ZNF536: variants seen among roughly 807,000 people sequenced by gnomAD.
The protein encoded by ZNF536 is zinc finger protein 536.
ZNF536 carries 13 observed loss-of-function variants against 84.5 expected under a neutral mutation model. That is an observed-to-expected ratio of 0.15 (90% CI 0.10 to 0.24). The LOEUF (loss-of-function observed/expected upper bound fraction) is 0.24, where lower values mean the gene tolerates loss of function less well. Among genes scored for constraint, ZNF536 ranks in the 10% least tolerant of loss-of-function variants. The pLI is 1.00. For synonymous variants in ZNF536, 811 were observed against 742.5 expected (o/e 1.09, Z -1.50); for missense variants, 1,536 against 1,747.5 (o/e 0.88, Z 2.16).
At chr19:30,426,787 C>T (rs909528814) in intron 1 of ZNF536, among the ~76,000 whole-genome samples, 10 of 152,050 alleles carry the variant, frequency 6.6e-5, no homozygotes, top group South Asian at 2.1e-4. Flanking sequence ...GCGTGGGGCC[C>T]GGCAGGGGGA....
At chr19:30,303,642 A>C (rs1341488857) in intron 2 of ZNF536, among the ~76,000 whole-genome samples, 2 of 151,982 alleles carry the variant, frequency 1.3e-5, no homozygotes, top group Non-Finnish European at 2.9e-5. Context: ...AGCTGGGATT[A>C]CAGGTGCCGG....
At chr19:30,282,932 C>T (rs532454349) in intron 1 of ZNF536, among the ~76,000 whole-genome samples, 4 of 152,182 alleles carry the variant, frequency 2.6e-5, no homozygotes, top group Admixed American at 6.5e-5. Context: ...TGTTTACAGA[C>T]AGCAGCTTCC....
rs765223716 is a variant in ZNF536 at position 30,444,633 on chromosome 19, G to C, written c.1071G>C (p.Ala357=). 6 of 1,613,832 alleles carry C rather than the reference G, an allele frequency of 3.7e-6. No individual in the cohort carries two copies. The highest frequency in any genetic ancestry group is 1.3e-5 in the African/African-American group (1 of 74,956). Residue 357 remains alanine, a synonymous_variant, in exon 2 of 5, where the codon GCG becomes GCC. Transcript: ENST00000355537. ...CEVCGQVFSQ[A]WFLKGHMRKH... is the part of the protein sequence containing the mutation. ...TGTGCGGTCAGGTGTTCAGCCAGGC[G>C]TGGTTCCTCAAGGGTCACATGCGCA...
chr19:30,469,001 G>C (rs1052247346), intron 2 of ZNF536, among the ~76,000 whole-genome samples: 2 of 152,088 alleles, frequency 1.3e-5, no homozygotes, highest in African/African-American at 4.8e-5. Context: ...CTGGCACCTG[G>C]AAGACCCAGA....
chr19:30,305,883 G>T (rs1449915845), intron 2 of ZNF536, among the ~76,000 whole-genome samples: 1 of 152,208 alleles, frequency 6.6e-6, no homozygotes, highest in Non-Finnish European at 1.5e-5. Context: ...TCCTCCCTCG[G>T]TCCACCCGCA....
At position 30,444,924 on chromosome 19, in the gene ZNF536, C is replaced by G. The variant is rs2148204185; in HGVS notation, c.1362C>G (p.Gly454=). The change falls in exon 2 of 5, where the codon GGC becomes GGG. Residue 454 remains glycine, a synonymous_variant. Coordinates refer to ENST00000355537, the MANE Select transcript of ZNF536 (RefSeq NM_014717.3). ...TGAGCGAGCCCAGCCAGCTCTATGG[C>G]AAGGGCGAGCTGCCCATGAAGGAGA... ...AGLSEPSQLY[G]KGELPMKEKE... The G allele has an allele frequency of 6.2e-7, 1 of 1,610,958 alleles. No homozygotes were observed. Among genetic ancestry groups the G allele is most frequent in the South Asian group, 1.1e-5 (1 of 90,736 alleles).
intron 2 of ZNF536, among the ~76,000 whole-genome samples, chr19:30,461,722 T>G (rs1380454408): frequency 1.3e-5 from 2 of 152,226 alleles, no homozygotes; most frequent in Admixed American, 6.5e-5. Context: ...TGTGTGAGCT[T>G]GCCCCCGTCT....
intron 1 of ZNF536, among the ~76,000 whole-genome samples, chr19:30,373,803 G>C (rs1049482124): frequency 6.6e-6 from 1 of 152,164 alleles, no homozygotes; most frequent in Non-Finnish European, 1.5e-5. Context: ...ATCAGATGCC[G>C]AGGAAAGATG....
At chr19:30,522,637 T>G (rs1331475182) in intron 2 of ZNF536, among the ~76,000 whole-genome samples, 1 of 152,114 alleles carries the variant, frequency 6.6e-6, no homozygotes, top group Admixed American at 6.6e-5. Flanking sequence ...GCTTTTCAGA[T>G]GCAAAAACGT....
intron 1 of ZNF536, among the ~76,000 whole-genome samples, chr19:30,277,743 C>T (rs1482235471): frequency 6.6e-6 from 1 of 152,240 alleles, no homozygotes; most frequent in Non-Finnish European, 1.5e-5. Flanking sequence ...TTGTGGGACC[C>T]TGTGGAGTGG....
chr19:30,536,997 G>A (rs1377327323), intron 3 of ZNF536, among the ~76,000 whole-genome samples: 1 of 152,082 alleles, frequency 6.6e-6, no homozygotes, highest in Non-Finnish European at 1.5e-5. Context: ...TTCCTTCCCT[G>A]TGTCACTTCT....
intron 1 of ZNF536, among the ~76,000 whole-genome samples, chr19:30,583,021 C>T (rs2046978486): frequency 6.6e-6 from 1 of 152,120 alleles, no homozygotes; most frequent in Non-Finnish European, 1.5e-5. Flanking sequence ...ACTCAGCCTC[C>T]CAAAGTCCTG....
chr19:30,605,102 G>A (rs1343115752), intron 1 of ZNF536, among the ~76,000 whole-genome samples: 1 of 152,188 alleles, frequency 6.6e-6, no homozygotes, highest in Non-Finnish European at 1.5e-5. Flanking sequence ...TCCGCTGGAG[G>A]AACTCATTCT....
intron 1 of ZNF536, among the ~76,000 whole-genome samples, chr19:30,399,164 C>G (rs1183542041): frequency 6.6e-6 from 1 of 152,264 alleles, no homozygotes; most frequent in East Asian, 1.9e-4. Context: ...TCTCTGATGA[C>G]CAGTGATGAT....
intron 2 of ZNF536, among the ~76,000 whole-genome samples, chr19:30,303,160 C>T (rs1276727671): frequency 1.3e-5 from 2 of 152,204 alleles, no homozygotes; most frequent in Non-Finnish European, 2.9e-5. Flanking sequence ...TGAGGCTCGG[C>T]TGGTGTCCAG....
intron 1 of ZNF536, among the ~76,000 whole-genome samples, chr19:30,623,230 C>T (rs1171871731): frequency 1.3e-5 from 2 of 152,136 alleles, no homozygotes; most frequent in Non-Finnish European, 2.9e-5. Flanking sequence ...TCCACCCTGC[C>T]ATGAGATGGG....
At chr19:30,563,113 G>A (rs1599818250) in intron 1 of ZNF536, among the ~76,000 whole-genome samples, 1 of 152,082 alleles carries the variant, frequency 6.6e-6, no homozygotes, top group Non-Finnish European at 1.5e-5. Flanking sequence ...TAGGCTCCAG[G>A]CAGAGCTTCG....
intron 1 of ZNF536, among the ~76,000 whole-genome samples, chr19:30,611,498 T>G (rs1201480639): frequency 2.0e-5 from 3 of 152,248 alleles, no homozygotes; most frequent in African/African-American, 7.2e-5. Context: ...TGAACCATAT[T>G]TGTTCACTTA....
At chr19:30,611,944 G>A (rs1351441117) in intron 1 of ZNF536, among the ~76,000 whole-genome samples, 1 of 152,196 alleles carries the variant, frequency 6.6e-6, no homozygotes, top group Non-Finnish European at 1.5e-5. Context: ...AGCCCTGGGA[G>A]TTAGGAGTCA....
Sources: allele counts gnomAD v4.1 joint callset (sites outside exome capture counted in the v4.1 genomes callset), GRCh38; gene constraint gnomAD v4.1.1; transcripts MANE v1.5; gene names NCBI Gene and HGNC (gene_info 2026-07-23, HGNC 2026-07-21).